The following PHF14 variants were observed in gnomAD, a reference collection of about 807,000 sequenced individuals.
PHF14 encodes the protein PHD finger protein 14.
Under a neutral mutation model 117.9 loss-of-function variants are expected in PHF14, and 55 were observed. The observed-to-expected ratio is 0.47, with a 90% CI of 0.38 to 0.58. PHF14 has a LOEUF of 0.58. PHF14 is among the 20% of genes least tolerant of loss of function. The probability of loss-of-function intolerance (pLI) is 0.00; values close to 1 mark genes in which losing one functional copy is unlikely to be tolerated. For missense variants in PHF14, 978 were observed against 1,122.2 expected, an observed-to-expected ratio of 0.87 and a Z score of 1.84; for synonymous variants, 409 against 368.6, an observed-to-expected ratio of 1.11 and a Z score of -1.26.
rs562821767 is a variant in PHF14, at chr7:11,039,572, G to A, written c.2076+717G>A. The stretch of plus-strand genomic sequence containing the variant: ...TAAGGATGATGGAGACCCACTGTTT[G>A]TGGTCCTTTCACTAAAAAGTAGTTT... On this transcript the variant is annotated intron_variant, in intron 11 of 17. Coordinates refer to ENST00000634607, the MANE Select transcript of PHF14 (RefSeq NM_001007157.2). 1.1e-4 allele frequency among the ~76,000 whole-genome samples: 17 copies of A among 152,218 alleles called. No individual in the cohort carries two copies. In the East Asian group the frequency reaches 3.3e-3, roughly 29 times the overall value.
chr7:11,153,581 A>T (rs1005387953), intron 17 of PHF14, among the ~76,000 whole-genome samples: 10 of 152,136 alleles, frequency 6.6e-5, no homozygotes, highest in Admixed American at 2.0e-4. Flanking sequence ...ATTTGTGGCC[A>T]TTTAGAGTCA....
chr7:11,069,766 G>A (rs928886087), intron 16 of PHF14, among the ~76,000 whole-genome samples: 5 of 149,852 alleles, frequency 3.3e-5, no homozygotes, highest in African/African-American at 1.2e-4. Flanking sequence ...AAACTCCTGG[G>A]CTTAAGTGAT....
chr7:11,143,031 A>G (rs999841206), intron 17 of PHF14, among the ~76,000 whole-genome samples: 6 of 152,148 alleles, frequency 3.9e-5, no homozygotes, highest in Non-Finnish European at 5.9e-5. Context: ...GATCCACATC[A>G]CTTAGAAATT....
intron 16 of PHF14, among the ~76,000 whole-genome samples, chr7:11,074,956 T>A (rs910892176): frequency 6.6e-6 from 1 of 150,538 alleles, no homozygotes; most frequent in Non-Finnish European, 1.5e-5. Flanking sequence ...TTTTTTTTTT[T>A]AGATGGAGTC....
At chr7:11,041,988 G>A (rs1230316341) in intron 12 of PHF14, among the ~76,000 whole-genome samples, 1 of 151,750 alleles carries the variant, frequency 6.6e-6, no homozygotes, top group Non-Finnish European at 1.5e-5. Flanking sequence ...GTGTACGCAG[G>A]TGTAGTTAAA....
In PHF14 at chr7:11,033,141, A is replaced by G. The variant is rs115082919; in HGVS notation, c.1456-2499A>G. Among the ~76,000 whole-genome samples the G allele has an allele frequency of 4.9e-3, 740 of 152,280 alleles. 4 individuals carry two copies. Among genetic ancestry groups the G allele is most frequent in the African/African-American group, 0.017 (696 of 41,552 alleles). On this transcript the variant is annotated intron_variant, in intron 7 of 17. Coordinates refer to ENST00000634607, the MANE Select transcript of PHF14 (RefSeq NM_001007157.2). ...CTGGGAGTAGGATCTTGAAAGCTCC[A>G]TTTCTCCAAGCAGGTTGAAGGGATA... is the stretch of plus-strand genomic sequence containing the variant.
chr7:11,047,712 G>A (rs1784716936), intron 13 of PHF14, among the ~76,000 whole-genome samples: 1 of 150,830 alleles, frequency 6.6e-6, no homozygotes, highest in South Asian at 2.1e-4. Flanking sequence ...CTTAAACCTG[G>A]GAGGCTGAGG....
intron 12 of PHF14, among the ~76,000 whole-genome samples, chr7:11,042,375 C>A (rs866195628): frequency 6.6e-6 from 1 of 151,694 alleles, no homozygotes; most frequent in African/African-American, 2.4e-5. Flanking sequence ...TAAGTAATAA[C>A]TAAAATTAAA....
intron 17 of PHF14, among the ~76,000 whole-genome samples, chr7:11,164,369 CAAG>C (rs886496970): frequency 3.3e-5 from 5 of 152,060 alleles, no homozygotes; most frequent in African/African-American, 1.2e-4. Flanking sequence ...AGTGGGAAAA[CAAG>C]AAAATGTGGC....
intron 16 of PHF14, chr7:11,107,458 A>G: frequency 4.9e-6 from 4 of 820,522 alleles, no homozygotes; most frequent in Non-Finnish European, 4.4e-6. Context: ...AGGAAGTTGT[A>G]TTTAGTAAGA....
rs1296556303 is a variant in PHF14, at chr7:10,982,866, A to G, written c.607A>G (p.Met203Val). Residue 203 changes from methionine to valine, a missense_variant, in exon 3 of 18, where the codon ATG becomes GTG. By Grantham distance (21) the Met-to-Val change is conservative (BLOSUM62 1). Coordinates refer to ENST00000634607, the MANE Select transcript of PHF14 (RefSeq NM_001007157.2). ...TGTGTCCATGGAAGAGCTGAATGAC[A>G]TGGATGACTATGACAGTGAGGATGA... ...DFVSMEELND[M>V]DDYDSEDDND... 8 of 1,613,764 alleles carry G rather than the reference A, an allele frequency of 5.0e-6. No homozygotes were observed. The highest frequency in any genetic ancestry group is 6.8e-6 in the Non-Finnish European group (8 of 1,179,838).
rs200509461 is a variant in PHF14 at position 11,010,480 on chromosome 7, T to A, written c.1046-3267T>A. ...TTGACATTTTATATGACTTTCAGATTGTGTGCGTATATATGATACATATAA... is the reference window on the plus strand; with the variant it reads ...TTGACATTTTATATGACTTTCAGATAGTGTGCGTATATATGATACATATAA... On this transcript the variant is annotated intron_variant, in intron 4 of 17. Coordinates refer to ENST00000634607, the MANE Select transcript of PHF14 (RefSeq NM_001007157.2). Among the ~76,000 whole-genome samples the A allele has an allele frequency of 4.4e-4, 67 of 152,096 alleles. 1 individual carries two copies. The East Asian group carries it at 8.5e-3, about 19-fold the overall frequency.
chr7:11,145,295 C>CTTA (rs80110297), intron 17 of PHF14, among the ~76,000 whole-genome samples: 150,187 of 151,976 alleles, frequency 0.99, 74,216 homozygotes, highest in East Asian at 1. Context: ...CTTTTTCTCT[C>CTTA]TTTTTTAAAA....
intron 5 of PHF14, among the ~76,000 whole-genome samples, chr7:11,017,093 A>G (rs1783560118): frequency 6.6e-6 from 1 of 152,074 alleles, no homozygotes; most frequent in Non-Finnish European, 1.5e-5. Flanking sequence ...ATTCTTTTTT[A>G]TGGCTTAGTA....
In PHF14 at chr7:11,040,661, C is replaced by G. The variant is rs1474610352; in HGVS notation, c.2077-11C>G. 1 of 1,448,286 alleles carries G rather than the reference C, an allele frequency of 6.9e-7. No homozygotes were observed. Among genetic ancestry groups the G allele is most frequent in the African/African-American group, 1.4e-5 (1 of 69,734 alleles). The allele number at this position is 1,448,286 out of a possible 1,614,324, so 89.7% of individuals were successfully genotyped here. On this transcript the variant is annotated splice_polypyrimidine_tract_variant and intron_variant, in intron 11 of 17. Transcript: ENST00000634607. The stretch of plus-strand genomic sequence containing the variant: ...TAAAACAATATATACTACATTTGTT[C>G]AAATCAATAGAAGTTGAATATACCG...
At chr7:10,986,434 C>A (rs577674014) in intron 3 of PHF14, among the ~76,000 whole-genome samples, 18 of 152,252 alleles carry the variant, frequency 1.2e-4, no homozygotes, top group African/African-American at 3.9e-4. Context: ...ATGGTACTCC[C>A]ATGAGAGAAA....
At chr7:11,053,649 A>G (rs1042701895) in intron 14 of PHF14, among the ~76,000 whole-genome samples, 3 of 152,034 alleles carry the variant, frequency 2.0e-5, no homozygotes, top group African/African-American at 7.2e-5. Context: ...TTTGACTAGT[A>G]TTATCATCCT....
chr7:11,008,413 G>A (rs544791361), intron 4 of PHF14, among the ~76,000 whole-genome samples: 7 of 152,238 alleles, frequency 4.6e-5, no homozygotes, highest in South Asian at 2.1e-4. Flanking sequence ...GGGGGTGAGC[G>A]GCTGGTGAGG....
chr7:11,001,148 A>G (rs1044902634), intron 4 of PHF14, among the ~76,000 whole-genome samples: 7 of 152,180 alleles, frequency 4.6e-5, no homozygotes, highest in African/African-American at 1.7e-4. Context: ...TTGTTAAAAA[A>G]GCTGTCTGTG....
Sources: gnomAD v4.1 joint callset for allele counts (sites outside exome capture counted in the v4.1 genomes callset) on GRCh38, gnomAD v4.1.1 for gene constraint, MANE v1.5 for transcripts, NCBI Gene and HGNC (gene_info 2026-07-23, HGNC 2026-07-21) for gene names.